RBPJ: variants seen among roughly 807,000 people sequenced by gnomAD.
RBPJ encodes the protein recombination signal binding protein for immunoglobulin kappa J region, also known as recombining binding protein suppressor of hairless.
A neutral mutation model predicts 67.8 loss-of-function variants in RBPJ; 9 were observed. That is an observed-to-expected ratio of 0.13 (90% confidence interval 0.08 to 0.23). The LOEUF is 0.23. Among genes scored for constraint, RBPJ ranks in the 10% least tolerant of loss-of-function variants. The pLI is 1.00. For synonymous variants in RBPJ, 198 were observed against 203.3 expected (o/e 0.97, Z 0.22); for missense variants, 305 against 595.6 (o/e 0.51, Z 5.08).
rs572623649 is a variant in RBPJ, at chr4:26,380,489, G to T, written c.21-5864G>T. ...AATGAGCCTGTTATGTATTTTTTTT[G>T]TGTGTGTAAATTACTAAGCAGCTTC... On this transcript the variant is annotated intron_variant, in intron 1 of 10. Coordinates refer to ENST00000355476, the MANE Select transcript of RBPJ (RefSeq NM_015874.6). Among the ~76,000 whole-genome samples, 182 of 152,116 alleles carry T rather than the reference G, an allele frequency of 1.2e-3. 1 individual carries two copies. The highest frequency in any genetic ancestry group is 6.8e-3 in the Middle Eastern group (2 of 292).
intron 1 of RBPJ, among the ~76,000 whole-genome samples, chr4:26,304,232 A>G (rs931322879): frequency 6.6e-6 from 1 of 152,224 alleles, no homozygotes; most frequent in Non-Finnish European, 1.5e-5. Flanking sequence ...TAGATATATC[A>G]CATTTTATAT....
intron 1 of RBPJ, among the ~76,000 whole-genome samples, chr4:26,279,064 A>G (rs911244978): frequency 1.3e-5 from 2 of 152,200 alleles, no homozygotes; most frequent in African/African-American, 4.8e-5. Flanking sequence ...CATGTTGAGA[A>G]CTAAATAAGA....
At chr4:26,183,956 A>G (rs1479296788) in intron 1 of RBPJ, among the ~76,000 whole-genome samples, 3 of 151,732 alleles carry the variant, frequency 2.0e-5, no homozygotes, top group Non-Finnish European at 4.4e-5. Context: ...AGGTAGCAGT[A>G]AGCTGAGATC....
intron 1 of RBPJ, among the ~76,000 whole-genome samples, chr4:26,301,836 A>G (rs1199122109): frequency 6.6e-6 from 1 of 151,852 alleles, no homozygotes; most frequent in Non-Finnish European, 1.5e-5. Flanking sequence ...TCTGTTGCCC[A>G]GGCTGGAGTG....
At chr4:26,114,497 A>ATATATATATATATATATATATGTG in the RBPJ span, among the ~76,000 whole-genome samples, 1 of 140,036 alleles carries the variant, frequency 7.1e-6, no homozygotes, top group African/African-American at 2.8e-5. Flanking sequence ...ATATATATAT[A>ATATATATATATATATATATATGTG]TGTATGTGTG....
intron 1 of RBPJ, among the ~76,000 whole-genome samples, chr4:26,374,559 C>T (rs1306320696): frequency 6.6e-6 from 1 of 151,914 alleles, no homozygotes; most frequent in Non-Finnish European, 1.5e-5. Context: ...ACTGCAACCT[C>T]CATCCCCCAG....
chr4:26,351,424 T>G (rs1321442720), intron 1 of RBPJ, among the ~76,000 whole-genome samples: 2 of 152,198 alleles, frequency 1.3e-5, no homozygotes, highest in African/African-American at 4.8e-5. Context: ...GGTGGGTGAC[T>G]GGGTCTTGCC....
At chr4:26,244,198 T>TACA (rs1282923664) in intron 1 of RBPJ, among the ~76,000 whole-genome samples, 6 of 145,278 alleles carry the variant, frequency 4.1e-5, no homozygotes, top group Non-Finnish European at 4.6e-5. Context: ...CATATATGTG[T>TACA]CTATATATGT....
the RBPJ span, among the ~76,000 whole-genome samples, chr4:26,110,121 C>T: frequency 6.6e-6 from 1 of 152,134 alleles, no homozygotes; most frequent in Non-Finnish European, 1.5e-5. This position sits in a 1 kb window ranked among gnomAD's most constrained non-coding sequence, Gnocchi z 4.5. Flanking sequence ...AGAAATTTAC[C>T]CCTACCGTAG....
At chr4:26,360,222 A>T (rs1028687181) in intron 1 of RBPJ, among the ~76,000 whole-genome samples, 36 of 152,318 alleles carry the variant, frequency 2.4e-4, no homozygotes, top group African/African-American at 8.7e-4. Flanking sequence ...ATCATTTTAG[A>T]TTCTTAATAT....
chr4:26,362,590 C>T (rs1159525356), intron 1 of RBPJ: 2 of 1,613,868 alleles, frequency 1.2e-6, no homozygotes, highest in Non-Finnish European at 8.5e-7. Context: ...TGTGACTTAC[C>T]TTAACATGTT....
At chr4:26,191,300 A>G (rs1717536178) in intron 1 of RBPJ, among the ~76,000 whole-genome samples, 2 of 138,728 alleles carry the variant, frequency 1.4e-5, no homozygotes, top group African/African-American at 5.4e-5. Context: ...TCACTCAAGG[A>G]TGATTTTTTG....
At position 26,210,727 on chromosome 4, in the gene RBPJ, C is replaced by CCTTCCTTCTTTA; in HGVS notation, c.-167+47117_-167+47118insCTTCTTTACTTC. On this transcript the variant is annotated intron_variant, in intron 1 of 4. Coordinates refer to the RBPJ transcript ENST00000512351. ...TCTTTCCTTCTTTCCTTCTTTCTTTCCTTCTTTACTTCTTTCCTTCTTTCC... is the reference window on the plus strand; with the variant it reads ...TCTTTCCTTCTTTCCTTCTTTCTTTCCTTCCTTCTTTACTTCTTTACTTCTTTCCTTCTTTCC... Among the ~76,000 whole-genome samples, 3 of 61,848 alleles carry CCTTCCTTCTTTA rather than the reference C, an allele frequency of 4.9e-5. 1 individual carries two copies. The highest frequency in any genetic ancestry group is 1.2e-4 in the African/African-American group (2 of 16,458). 40.6% of individuals were successfully genotyped at this position (61,848 alleles called of 152,430 possible).
In RBPJ at chr4:26,330,819, A is replaced by G. The variant is rs547436249; in HGVS notation, c.20+9771A>G. Among the ~76,000 whole-genome samples the G allele has an allele frequency of 3.9e-5, 6 of 152,314 alleles. No individual in the cohort carries two copies. In the East Asian group the frequency reaches 7.7e-4, roughly 20 times the overall value. Reference sequence around the variant, plus strand: ...GCGTGGTGTGTACTGATGCTAGGCTATGATTCTGTGTGCTCTTATTTGTAT... The same window carrying G: ...GCGTGGTGTGTACTGATGCTAGGCTGTGATTCTGTGTGCTCTTATTTGTAT... On this transcript the variant is annotated intron_variant, in intron 1 of 10. Transcript: ENST00000355476.
In RBPJ at chr4:26,424,989, A is replaced by G. The variant is rs1577671355; in HGVS notation, c.747+246A>G. On this transcript the variant is annotated intron_variant, in intron 7 of 10. Coordinates refer to ENST00000355476, the MANE Select transcript of RBPJ (RefSeq NM_015874.6). The surrounding 1 kb of genome is among the most constrained non-coding windows in gnomAD (Gnocchi z 5.3). ...GATTTTTTCTTAAATGATTTCCAAT[A>G]TATTTTGGTGGCAATTTCCTTTTTG... 2.7e-5 allele frequency: 12 copies of G among 445,500 alleles called. No individual in the cohort carries two copies. In the East Asian group the frequency reaches 4.1e-4, roughly 15 times the overall value. The allele number at this position is 445,500 out of a possible 1,614,324, so 27.6% of individuals were successfully genotyped here. A position where few individuals can be genotyped will look rare whatever the true frequency, so the allele number is the denominator to read the frequency against.
intron 1 of RBPJ, among the ~76,000 whole-genome samples, chr4:26,231,011 C>T (rs1210103977): frequency 6.6e-6 from 1 of 152,110 alleles, no homozygotes; most frequent in Non-Finnish European, 1.5e-5. Flanking sequence ...AACAAGGAAA[C>T]GCATAAGCAG....
intron 1 of RBPJ, among the ~76,000 whole-genome samples, chr4:26,179,578 C>T (rs1232392894): frequency 6.6e-6 from 1 of 152,092 alleles, no homozygotes; most frequent in Non-Finnish European, 1.5e-5. Flanking sequence ...CTCAGTATTA[C>T]TGATCATTAG....
chr4:26,340,122 A>G (rs1249323907), intron 1 of RBPJ, among the ~76,000 whole-genome samples: 1 of 152,236 alleles, frequency 6.6e-6, no homozygotes, highest in Non-Finnish European at 1.5e-5. Context: ...TTTTAAAAGT[A>G]ATTAACATTA....
chr4:26,147,818 T>G, the RBPJ span, among the ~76,000 whole-genome samples: 2 of 152,044 alleles, frequency 1.3e-5, no homozygotes, highest in African/African-American at 4.8e-5. Flanking sequence ...AGATCCCAAT[T>G]AGGAGGCTGT....
Sources: allele counts gnomAD v4.1 joint callset (sites outside exome capture counted in the v4.1 genomes callset), GRCh38; gene constraint gnomAD v4.1.1; non-coding constraint Gnocchi (gnomAD v3.1); transcripts MANE v1.5; gene names NCBI Gene and HGNC (gene_info 2026-07-23, HGNC 2026-07-21).